Variants in HERC1 observed in about 807,000 individuals in gnomAD.
HERC1 encodes probable E3 ubiquitin-protein ligase HERC1.
Under a neutral mutation model 554.3 loss-of-function variants are expected in HERC1, and 160 were observed. The ratio of observed to expected loss-of-function variants is 0.29; its 90% CI spans 0.25 to 0.33. HERC1 has a LOEUF of 0.33. HERC1 is among the 10% of genes least tolerant of loss of function. HERC1 has a pLI of 1.00. For synonymous variants in HERC1, 2,175 were observed against 2,131.7 expected (o/e 1.02, Z -0.56); for missense variants, 4,919 against 5,918.5 (o/e 0.83, Z 5.54).
At chr15:63,736,246 G>A (rs1271063591) in intron 12 of HERC1, among the ~76,000 whole-genome samples, 4 of 152,210 alleles carry the variant, frequency 2.6e-5, no homozygotes, top group African/African-American at 7.2e-5. Context: ...CAAAAAGGAA[G>A]AGCTCAAAAC....
Position 63,749,285 on chromosome 15 carries a change from T to A in HERC1, c.2219+82A>T, listed in dbSNP as rs2075161029. On this transcript the variant is annotated intron_variant, in intron 10 of 77. Transcript: ENST00000443617. The surrounding 1 kb of genome is among the most constrained non-coding windows in gnomAD (Gnocchi z 4.1). ...GTATTTTATGAACAAAGCACAATTA[T>A]TTCTGTTTTTATTAGTGTTTCTACT... 1 of 1,060,130 alleles carries A rather than the reference T, an allele frequency of 9.4e-7. No homozygotes were observed. Among genetic ancestry groups the A allele is most frequent in the Admixed American group, 2.5e-5 (1 of 40,534 alleles). The allele number at this position is 1,060,130 out of a possible 1,614,324, so 65.7% of individuals were successfully genotyped here.
chr15:63,695,072 A>G (rs1486807761), intron 27 of HERC1, among the ~76,000 whole-genome samples, 178 bp from the exon 28 acceptor site: 1 of 152,080 alleles, frequency 6.6e-6, no homozygotes, highest in Non-Finnish European at 1.5e-5. Context: ...GTCTTGCTGT[A>G]TCACCCATGC....
chr15:63,790,963 C>T (rs2076633637), intron 1 of HERC1, among the ~76,000 whole-genome samples: 1 of 152,002 alleles, frequency 6.6e-6, no homozygotes, highest in Non-Finnish European at 1.5e-5. Context: ...TTATAGAAGG[C>T]TTGTTTTTAC....
intron 1 of HERC1, among the ~76,000 whole-genome samples, chr15:63,823,397 C>G (rs2077770426): frequency 6.6e-6 from 1 of 152,100 alleles, no homozygotes; most frequent in Non-Finnish European, 1.5e-5. Context: ...TCACATCAGC[C>G]CTATGACGTA....
At chr15:63,637,238 A>T (rs1009977629) in intron 64 of HERC1, 1 of 523,776 alleles carries the variant, frequency 1.9e-6, no homozygotes, top group African/African-American at 1.9e-5. Context: ...CACTTTTGCA[A>T]TTTTTAAGCA....
At chr15:63,700,640 T>C (rs772875624) in intron 25 of HERC1, among the ~76,000 whole-genome samples, 2 of 149,420 alleles carry the variant, frequency 1.3e-5, no homozygotes, top group African/African-American at 2.5e-5. Flanking sequence ...GAAAGAATTA[T>C]TAAGATTTAA....
chr15:63,656,286 T>C lies in HERC1; in HGVS notation c.9672A>G (p.Leu3224=). 3 of 1,613,970 alleles carry C rather than the reference T, an allele frequency of 1.9e-6. No homozygotes were observed. The highest frequency in any genetic ancestry group is 2.5e-6 in the Non-Finnish European group (3 of 1,179,880). ...GLTDIRTLVR[L]MCLAAAGRAG... ...CTCTCCCTGCTGCTGCCAAGCACAT[T>C]AATCGAACTAGCGTTCGGATATCTG... is the stretch of plus-strand genomic sequence containing the variant. The change falls in exon 49 of 78, where the codon TTA becomes TTG. Residue 3224 remains leucine (L), a synonymous_variant. Coordinates refer to ENST00000443617, the MANE Select transcript of HERC1 (RefSeq NM_003922.4).
At chr15:63,798,673 T>G (rs919530041) in intron 1 of HERC1, among the ~76,000 whole-genome samples, 5 of 152,174 alleles carry the variant, frequency 3.3e-5, no homozygotes, top group African/African-American at 9.6e-5. Context: ...TAACAGATAA[T>G]GCACTCACTC....
intron 12 of HERC1, among the ~76,000 whole-genome samples, chr15:63,740,968 T>G (rs1247427809): frequency 1.3e-5 from 2 of 152,202 alleles, no homozygotes; most frequent in Non-Finnish European, 1.5e-5. Context: ...GTGCTTTTGA[T>G]GTCATAGCTA....
chr15:63,713,305 AT>A (rs764147357), intron 23 of HERC1, 47 bp downstream of exon 23: 10 of 1,465,612 alleles, frequency 6.8e-6, no homozygotes, highest in Non-Finnish European at 9.5e-6. Context: ...GCATAAAGTA[AT>A]AAAGGGAAGT....
intron 74 of HERC1, among the ~76,000 whole-genome samples, chr15:63,617,403 T>C (rs1291615712): frequency 6.6e-6 from 1 of 152,234 alleles, no homozygotes; most frequent in Non-Finnish European, 1.5e-5. Context: ...TAATCCAGTC[T>C]ATCATTGTTG....
Position 63,680,423 on chromosome 15 carries a change from G to A in HERC1, c.6465+114C>T. On this transcript the variant is annotated intron_variant, in intron 35 of 77. Coordinates refer to ENST00000443617, the MANE Select transcript of HERC1 (RefSeq NM_003922.4). This position sits in a 1 kb window ranked among gnomAD's most constrained non-coding sequence, Gnocchi z 5.8. ...GTTTTAAGAACCAGAAAGTATTAGA[G>A]AGAAAGGAGAGACGAGCAGATAATC... 1 of 1,131,976 alleles carries A rather than the reference G, an allele frequency of 8.8e-7. No homozygotes were observed. The highest frequency in any genetic ancestry group is 1.6e-5 in the South Asian group (1 of 61,520). 70.1% of individuals were successfully genotyped at this position (1,131,976 alleles called of 1,614,324 possible). A position where few individuals can be genotyped will look rare whatever the true frequency, so the allele number is the denominator to read the frequency against.
In HERC1 at chr15:63,781,852, GA is replaced by G. The variant is rs545664240; in HGVS notation, c.-26-6204del. Reference sequence around the variant, plus strand: ...CTCCAATGAATACATAAATGATAAAGAAGTGAAATCGCCTTTTTCCTGATAT... The same window carrying G: ...CTCCAATGAATACATAAATGATAAAGAGTGAAATCGCCTTTTTCCTGATAT... On this transcript the variant is annotated intron_variant, in intron 1 of 77. Transcript: ENST00000443617. 1.2e-3 allele frequency among the ~76,000 whole-genome samples: 185 copies of G among 152,342 alleles called. 1 individual carries two copies. Among genetic ancestry groups the G allele is most frequent in the African/African-American group, 4.4e-3 (182 of 41,582 alleles).
chr15:63,705,132 A>C lies in HERC1; in HGVS notation c.4636+1648T>G, dbSNP rs1453070574. On this transcript the variant is annotated intron_variant, in intron 25 of 77. Transcript: ENST00000443617. ...GAAAGCTCTGGTCTTTATTATTCCT[A>C]ATATTTCAGAGAAATCATTCTCTGT... 2.0e-5 allele frequency among the ~76,000 whole-genome samples: 3 copies of C among 151,768 alleles called. No individual in the cohort carries two copies. The East Asian group carries it at 5.8e-4, about 29-fold the overall frequency.
intron 1 of HERC1, among the ~76,000 whole-genome samples, chr15:63,826,202 G>T (rs1025943027): frequency 6.6e-6 from 1 of 152,084 alleles, no homozygotes; most frequent in Non-Finnish European, 1.5e-5. Context: ...AGTGTTGCTG[G>T]GCAGCACTTG....
At position 63,656,091 on chromosome 15, in the gene HERC1, T is replaced by C; in HGVS notation, c.9867A>G (p.Thr3289=). 2.5e-6 allele frequency: 4 copies of C among 1,612,116 alleles called. No individual in the cohort carries two copies. The East Asian group carries it at 8.9e-5, about 36-fold the overall frequency. The change falls in exon 49 of 78, where the codon ACA becomes ACG. Residue 3289 remains threonine, a synonymous_variant. Transcript: ENST00000443617. ...SAAKLLVQLC[T]QNLISAATGV... ...AAAAGTACTGAAAGTAGCTTACCTG[T>C]GTACACAACTGTACAAGCAGTTTGG...
intron 24 of HERC1, among the ~76,000 whole-genome samples, chr15:63,707,187 T>C (rs187933766): frequency 1.3e-5 from 2 of 152,376 alleles, no homozygotes; most frequent in East Asian, 3.9e-4. Context: ...TAGTGCCTTA[T>C]TTTCCAAAAT....
At chr15:63,653,201 G>C (rs113246715) in intron 51 of HERC1, among the ~76,000 whole-genome samples, 4,920 of 152,234 alleles carry the variant, frequency 0.032, 95 homozygotes, top group Middle Eastern at 0.092. Context: ...AGCACTGTGG[G>C]AGGCCAAGGC....
At chr15:63,780,394 G>A (rs2076251936) in intron 1 of HERC1, 1 of 152,080 alleles carries the variant, frequency 6.6e-6, no homozygotes, top group African/African-American at 2.4e-5. Flanking sequence ...CTAACAACAG[G>A]AAATAAAGAA....
Sources: gnomAD v4.1 joint callset for allele counts (sites outside exome capture counted in the v4.1 genomes callset) on GRCh38, gnomAD v4.1.1 for gene constraint, Gnocchi (gnomAD v3.1) non-coding constraint, MANE v1.5 for transcripts, NCBI Gene and HGNC (gene_info 2026-07-23, HGNC 2026-07-21) for gene names.